Variants in SIDT1 observed in about 807,000 individuals in gnomAD.
The protein encoded by SIDT1 is SID1 transmembrane family member 1, also known as SID1 transmembrane family, member 1.
A neutral mutation model predicts 107.5 loss-of-function variants in SIDT1; 101 were observed. The observed-to-expected ratio is 0.94, with a 90% CI of 0.80 to 1.11. The LOEUF (loss-of-function observed/expected upper bound fraction) is 1.11, where lower values mean the gene tolerates loss of function less well. Ranked by LOEUF, SIDT1 falls within the 50% of genes least tolerant of loss-of-function variation. The pLI is 0.00. For missense variants in SIDT1, 1,076 were observed against 1,058.2 expected, an observed-to-expected ratio of 1.02 and a Z score of -0.23; for synonymous variants, 395 against 398.2, an observed-to-expected ratio of 0.99 and a Z score of 0.10.
chr3:113,575,661 T>C (rs1011509795), intron 3 of SIDT1, among the ~76,000 whole-genome samples: 1 of 152,246 alleles, frequency 6.6e-6, no homozygotes, highest in Non-Finnish European at 1.5e-5. Flanking sequence ...ACAGCCTAAA[T>C]TGTGGTCATT....
intron 1 of SIDT1, among the ~76,000 whole-genome samples, chr3:113,533,772 C>A (rs1467171098): frequency 6.6e-6 from 1 of 152,162 alleles, no homozygotes; most frequent in Non-Finnish European, 1.5e-5. Flanking sequence ...TCACTTCCTG[C>A]GTTTTTGTGC....
chr3:113,551,734 A>G (rs1377011141), intron 1 of SIDT1, among the ~76,000 whole-genome samples: 1 of 151,940 alleles, frequency 6.6e-6, no homozygotes, highest in Non-Finnish European at 1.5e-5. Flanking sequence ...AAAGTTGTCA[A>G]ATTTTCTTTA....
intron 10 of SIDT1, 104 bp from the exon 11 acceptor site, chr3:113,601,484 C>A: frequency 2.6e-6 from 2 of 777,316 alleles, no homozygotes; most frequent in Non-Finnish European, 4.3e-6. Flanking sequence ...AAAAGAAAAT[C>A]AAACCTAAAA....
chr3:113,608,492 G>A lies in SIDT1; in HGVS notation c.1676G>A (p.Ser559Asn). The change falls in exon 17 of 25, where the codon AGT becomes AAT. Residue 559 changes from serine (S) to asparagine (N), a missense_variant. By Grantham distance (46) the Ser-to-Asn change is conservative. Coordinates refer to ENST00000264852, the MANE Select transcript of SIDT1 (RefSeq NM_017699.3). Reference sequence around the variant, plus strand: ...GCATTGATGATGGAAGGGGTGCTCAGTGCTTGCTACCATGTCTGCCCTAAT... The same window carrying A: ...GCATTGATGATGGAAGGGGTGCTCAATGCTTGCTACCATGTCTGCCCTAAT... ...GIALMMEGVL[S>N]ACYHVCPNYS... 6.2e-7 allele frequency: 1 copy of A among 1,614,054 alleles called. No individual in the cohort carries two copies. Among genetic ancestry groups the A allele is most frequent in the South Asian group, 1.1e-5 (1 of 91,080 alleles).
intron 17 of SIDT1, among the ~76,000 whole-genome samples, chr3:113,609,126 G>A (rs1197705708): frequency 1.6e-5 from 2 of 125,976 alleles, no homozygotes; most frequent in Non-Finnish European, 3.1e-5. Context: ...GCAGTGGCAT[G>A]ATCTGAGCTC....
chr3:113,533,350 C>T, intron 1 of SIDT1, 107 bp downstream of exon 1: 2 of 876,920 alleles, frequency 2.3e-6, no homozygotes, highest in Admixed American at 4.2e-5. Context: ...CTTCGGGGAC[C>T]AGGGGACTTT....
intron 4 of SIDT1, 116 bp downstream of exon 4, chr3:113,577,083 C>T (rs1576825198): frequency 1.1e-6 from 1 of 936,234 alleles, no homozygotes; most frequent in Non-Finnish European, 1.7e-6. Flanking sequence ...TGACCTTTCA[C>T]AACTTGAAGT....
At position 113,566,309 on chromosome 3, in the gene SIDT1, G is replaced by A. The variant is rs565691067; in HGVS notation, c.223-111G>A. 3 of 1,082,918 alleles carry A rather than the reference G, an allele frequency of 2.8e-6. No homozygotes were observed. In the South Asian group the frequency reaches 5.1e-5, roughly 19 times the overall value. The allele number at this position is 1,082,918 out of a possible 1,614,324, so 67.1% of individuals were successfully genotyped here. ...TTAAAGTGTTTCTGAGCCTCACATG[G>A]CAACTATGGTGTGTGTGTTTGTGTG... On this transcript the variant is annotated intron_variant, in intron 1 of 24. Coordinates refer to ENST00000264852, the MANE Select transcript of SIDT1 (RefSeq NM_017699.3).
chr3:113,631,856 C>T (rs1000927082), downstream of SIDT1, among the ~76,000 whole-genome samples: 6 of 152,202 alleles, frequency 3.9e-5, no homozygotes, highest in Non-Finnish European at 7.3e-5. Flanking sequence ...CCGTTGTTCA[C>T]GAAGAAGTAC....
At chr3:113,589,597 G>A (rs1943996081) in intron 9 of SIDT1, among the ~76,000 whole-genome samples, 4 of 139,316 alleles carry the variant, frequency 2.9e-5, no homozygotes, top group Admixed American at 2.3e-4. Context: ...GCAGTGGCAC[G>A]ATCTCAGCTC....
chr3:113,573,867 T>C (rs1942683194), intron 3 of SIDT1, among the ~76,000 whole-genome samples: 1 of 152,214 alleles, frequency 6.6e-6, no homozygotes, highest in South Asian at 2.1e-4. Context: ...ATTTTTGTTA[T>C]AGCTGCCTGA....
Position 113,603,135 on chromosome 3 carries a change from C to T in SIDT1, c.1248C>T (p.Asn416=). ...TGCCAGACATTGAGAGTGATAAAAA[C>T]ATCATCCGGACCAAGGTACCCACTC... ...DTMPDIESDK[N]IIRTKMFLYL... is the part of the protein sequence containing the mutation. Residue 416 remains asparagine (N), a synonymous_variant, in exon 12 of 25, where the codon AAC becomes AAT. Transcript: ENST00000264852. 1 of 1,613,676 alleles carries T rather than the reference C, an allele frequency of 6.2e-7. No homozygotes were observed.
chr3:113,560,275 CT>C (rs1283765513), intron 1 of SIDT1, among the ~76,000 whole-genome samples: 1 of 152,222 alleles, frequency 6.6e-6, no homozygotes, highest in Admixed American at 6.5e-5. Context: ...CTGATTCCCC[CT>C]GGGGGTAATC....
chr3:113,622,680 T>C (rs1946548508), intron 21 of SIDT1, among the ~76,000 whole-genome samples: 1 of 152,142 alleles, frequency 6.6e-6, no homozygotes, highest in Non-Finnish European at 1.5e-5. Context: ...TTGCTTCTAT[T>C]CTAAGGAACT....
At chr3:113,573,041 G>C (rs952557479) in intron 3 of SIDT1, among the ~76,000 whole-genome samples, 1 of 150,620 alleles carries the variant, frequency 6.6e-6, no homozygotes, top group African/African-American at 2.4e-5. Flanking sequence ...GAGCAAACAT[G>C]GTGCTCCAGG....
intron 4 of SIDT1, among the ~76,000 whole-genome samples, chr3:113,579,218 A>G (rs896995462): frequency 3.3e-5 from 5 of 152,206 alleles, no homozygotes; most frequent in African/African-American, 1.2e-4. Context: ...TTTCTGGTAA[A>G]GGTAGATTGT....
intron 1 of SIDT1, among the ~76,000 whole-genome samples, chr3:113,561,891 A>T (rs1234832740): frequency 2.0e-5 from 3 of 152,216 alleles, no homozygotes; most frequent in Non-Finnish European, 4.4e-5. Context: ...GTTGCATCTT[A>T]GGTGAAAAAA....
intron 1 of SIDT1, among the ~76,000 whole-genome samples, chr3:113,545,720 G>A (rs527682328): frequency 6.6e-6 from 1 of 152,168 alleles, no homozygotes; most frequent in African/African-American, 2.4e-5. Flanking sequence ...TGAATTTGCA[G>A]TTAAAGAGAT....
At chr3:113,611,921 T>C (rs538827677) in intron 18 of SIDT1, among the ~76,000 whole-genome samples, 165 bp from the exon 19 acceptor site, 1 of 152,084 alleles carries the variant, frequency 6.6e-6, no homozygotes. Context: ...TTTTTTTTTT[T>C]TCCTGTCCCT....
Sources: gnomAD v4.1 joint callset for allele counts (sites outside exome capture counted in the v4.1 genomes callset) on GRCh38, gnomAD v4.1.1 for gene constraint, MANE v1.5 for transcripts, NCBI Gene and HGNC (gene_info 2026-07-23, HGNC 2026-07-21) for gene names.